GYPB: variants seen among roughly 807,000 people sequenced by gnomAD.
GYPB encodes glycophorin B (MNS blood group), also known as glycophorin-B.
A neutral mutation model predicts 15.3 loss-of-function variants in GYPB; 13 were observed. The observed-to-expected ratio is 0.85, with a 90% CI of 0.55 to 1.35. The LOEUF (loss-of-function observed/expected upper bound fraction) is 1.35. GYPB is among the 40% of genes most tolerant of loss of function. The probability of loss-of-function intolerance (pLI) is 0.00; values close to 1 mark genes in which losing one functional copy is unlikely to be tolerated. For synonymous variants in GYPB, 38 were observed against 36.9 expected (o/e 1.03, Z -0.11); for missense variants, 131 against 108.3 (o/e 1.21, Z -0.93).
rs184169503 is a variant in GYPB at position 144,008,096 on chromosome 4, G to T, written c.38-6813C>A. ...ACAACTAGCTGAGACCCTATTGTTA[G>T]ATGTTAATTATTCTTTGTGGAGGAG... On this transcript the variant is annotated intron_variant, in intron 1 of 4. Coordinates refer to ENST00000502664, the MANE Select transcript of GYPB (RefSeq NM_002100.6). Among the ~76,000 whole-genome samples the T allele has an allele frequency of 3.8e-4, 57 of 150,672 alleles. 1 individual carries two copies. The highest frequency in any genetic ancestry group is 1.2e-3 in the African/African-American group (48 of 39,978).
intron 1 of GYPB, among the ~76,000 whole-genome samples, chr4:144,009,610 T>C (rs1029236606): frequency 8.6e-5 from 9 of 104,530 alleles, no homozygotes; most frequent in African/African-American, 2.4e-4. Context: ...TCTTTTTTTT[T>C]TTTTTTTTTT....
intron 1 of GYPB, among the ~76,000 whole-genome samples, chr4:144,018,794 C>T (rs78906939): frequency 6.6e-6 from 1 of 150,818 alleles, no homozygotes; most frequent in African/African-American, 2.5e-5. Flanking sequence ...CAACTCCCCA[C>T]GGTTTCAGTG....
At chr4:144,002,966 T>C (rs1251844708) in intron 1 of GYPB, among the ~76,000 whole-genome samples, 5 of 151,300 alleles carry the variant, frequency 3.3e-5, no homozygotes, top group East Asian at 1.9e-4. Context: ...CCAAATAGCA[T>C]GCAAAACAAT....
At chr4:144,011,926 A>T in intron 1 of GYPB, among the ~76,000 whole-genome samples, 1 of 152,004 alleles carries the variant, frequency 6.6e-6, no homozygotes. Flanking sequence ...CTCTATTCTC[A>T]GTTGCCTCAA....
In GYPB at chr4:144,010,733, G is replaced by A. The variant is rs1357476079; in HGVS notation, c.37+8518C>T. On this transcript the variant is annotated intron_variant, in intron 1 of 4. Transcript: ENST00000502664. ...TGAAATGCACTCACGGCCCGCACAA[G>A]CCATTGACCAGTGGCTCATGCACAC... 2.6e-4 allele frequency among the ~76,000 whole-genome samples: 40 copies of A among 151,460 alleles called. 4 individuals are homozygous for A. The highest frequency in any genetic ancestry group is 8.8e-4 in the African/African-American group (36 of 40,752).
In GYPB at chr4:144,016,705, T is replaced by C. The variant is rs1016684419; in HGVS notation, c.37+2546A>G. The C allele has an allele frequency of 2.6e-5, 9 of 340,902 alleles. 1 individual carries two copies. Among genetic ancestry groups the C allele is most frequent in the African/African-American group, 1.8e-4 (8 of 45,502 alleles). The allele number at this position is 340,902 out of a possible 1,614,324, so 21.1% of individuals were successfully genotyped here. On this transcript the variant is annotated intron_variant, in intron 1 of 4. Transcript: ENST00000502664. ...CTGGTTTATGCCATAATTTCCTAGT[T>C]GAAGTGATATAGTACTGTATTTTCA... is the stretch of plus-strand genomic sequence containing the variant.
At position 143,997,935 on chromosome 4, in the gene GYPB, A is replaced by G. The variant is rs556840414; in HGVS notation, c.176-301T>C. On this transcript the variant is annotated intron_variant, in intron 3 of 4. Transcript: ENST00000502664. Reference sequence around the variant, plus strand: ...TTCACTAGTGTAACTGTAGATAAGAACTCAGTGGACGTTCTCCTCAGATAT... The same window carrying G: ...TTCACTAGTGTAACTGTAGATAAGAGCTCAGTGGACGTTCTCCTCAGATAT... Among the ~76,000 whole-genome samples, 14 of 151,362 alleles carry G rather than the reference A, an allele frequency of 9.2e-5. 1 individual carries two copies. The highest frequency in any genetic ancestry group is 1.6e-4 in the Non-Finnish European group (11 of 68,026).
At chr4:144,014,501 C>A (rs1728391730) in intron 1 of GYPB, among the ~76,000 whole-genome samples, 1 of 151,328 alleles carries the variant, frequency 6.6e-6, no homozygotes, top group Non-Finnish European at 1.5e-5. Context: ...TATGGATGAA[C>A]TTTATTTTAG....
Position 143,997,638 on chromosome 4 carries a change from A to G in GYPB, c.176-4T>C, listed in dbSNP as rs527766765. The G allele has an allele frequency of 1.3e-5, 19 of 1,442,756 alleles. 1 individual carries two copies. The South Asian group carries it at 2.2e-4, about 16-fold the overall frequency. 89.4% of individuals were successfully genotyped at this position (1,442,756 alleles called of 1,614,324 possible). ...ATGAGTATTATCACTACAGGAGCTAAAGAGAGCAGCAAAATTATGAAAGTC... is the reference window on the plus strand; with the variant it reads ...ATGAGTATTATCACTACAGGAGCTAGAGAGAGCAGCAAAATTATGAAAGTC... On this transcript the variant is annotated splice_region_variant and splice_polypyrimidine_tract_variant and intron_variant, in intron 3 of 4. Coordinates refer to ENST00000502664, the MANE Select transcript of GYPB (RefSeq NM_002100.6).
intron 1 of GYPB, among the ~76,000 whole-genome samples, chr4:144,001,763 T>C (rs1431237021): frequency 2.0e-5 from 3 of 151,038 alleles, no homozygotes; most frequent in African/African-American, 7.4e-5. Flanking sequence ...CTAAGAAAGG[T>C]GGAAGCTCAT....
At position 143,999,411 on chromosome 4, in the gene GYPB, C is replaced by T; in HGVS notation, c.175G>A (p.Ala59Thr). Residue 59 changes from alanine to threonine, a missense_variant and splice_region_variant, in exon 3 of 5, where the codon GCT (alanine) becomes ACT (threonine). Transcript: ENST00000502664. The part of the protein sequence containing the change: ...GQLVHRFTVP[A>T]PVVIILIILC... ...TATTCTTTGTCAAATATTAACATAC[C>T]TGGTACAGTGAAACGATGGACAAGT... The T allele has an allele frequency of 1.3e-6, 2 of 1,510,888 alleles. No individual in the cohort carries two copies. Among genetic ancestry groups the T allele is most frequent in the Non-Finnish European group, 1.8e-6 (2 of 1,092,324 alleles). 93.6% of individuals were successfully genotyped at this position (1,510,888 alleles called of 1,614,324 possible). A position where few individuals can be genotyped will look rare whatever the true frequency, so the allele number is the denominator to read the frequency against.
In GYPB at chr4:144,009,983, G is replaced by T. The variant is rs535356094; in HGVS notation, c.38-8700C>A. ...ACTTGTAAGGTATACAAAACTAGGG[G>T]GCCAGCCGTTCACAGGCTATAGTTT... On this transcript the variant is annotated intron_variant, in intron 1 of 4. Transcript: ENST00000502664. Among the ~76,000 whole-genome samples the T allele has an allele frequency of 7.3e-3, 1,100 of 151,142 alleles. 13 individuals are homozygous for T. Among genetic ancestry groups the T allele is most frequent in the South Asian group, 0.012 (59 of 4,820 alleles).
intron 1 of GYPB, among the ~76,000 whole-genome samples, chr4:144,018,963 C>G (rs4113795): frequency 0.014 from 2,060 of 151,438 alleles, 149 homozygotes; most frequent in African/African-American, 0.047. Flanking sequence ...TCACAGAGAG[C>G]TATTTCTCAT....
chr4:144,007,876 A>G (rs1279857705), intron 1 of GYPB, among the ~76,000 whole-genome samples: 1 of 151,382 alleles, frequency 6.6e-6, no homozygotes, highest in Non-Finnish European at 1.5e-5. Flanking sequence ...AGGCTCAAGC[A>G]ATTCTCCTGC....
chr4:144,002,499 T>C, intron 1 of GYPB: 2 of 813,450 alleles, frequency 2.5e-6, no homozygotes, highest in South Asian at 2.9e-5. Context: ...TGTGCATTCA[T>C]GTGTTTTTCA....
rs1167354893 is a variant in GYPB at position 144,012,931 on chromosome 4, C to T, written c.37+6320G>A. ...TTAGATATGATATCAAAAGCGTAAG[C>T]AACAAAAGAAAAAAATAAATTGGAC... is the stretch of plus-strand genomic sequence containing the variant. On this transcript the variant is annotated intron_variant, in intron 1 of 4. Coordinates refer to ENST00000502664, the MANE Select transcript of GYPB (RefSeq NM_002100.6). 2.0e-5 allele frequency among the ~76,000 whole-genome samples: 3 copies of T among 151,092 alleles called. 1 individual carries two copies. Among genetic ancestry groups the T allele is most frequent in the African/African-American group, 7.4e-5 (3 of 40,602 alleles).
chr4:143,995,298 T>G (rs192395115), downstream of GYPB, among the ~76,000 whole-genome samples: 1 of 151,562 alleles, frequency 6.6e-6, no homozygotes, highest in East Asian at 1.9e-4. Flanking sequence ...CAAATGCGGA[T>G]GTTGAACATA....
At chr4:144,009,120 C>T (rs1276132617) in intron 1 of GYPB, among the ~76,000 whole-genome samples, 1 of 151,344 alleles carries the variant, frequency 6.6e-6, no homozygotes, top group East Asian at 1.9e-4. Context: ...CCTCAATTCA[C>T]ATTTAATTTT....
chr4:144,006,979 C>T (rs1727951903), intron 1 of GYPB, among the ~76,000 whole-genome samples: 1 of 150,404 alleles, frequency 6.6e-6, no homozygotes, highest in Non-Finnish European at 1.5e-5. Flanking sequence ...AAGACTGTTC[C>T]CATGAAGCAA....
Sources: allele counts gnomAD v4.1 joint callset (sites outside exome capture counted in the v4.1 genomes callset), GRCh38; gene constraint gnomAD v4.1.1; transcripts MANE v1.5; gene names NCBI Gene and HGNC (gene_info 2026-07-23, HGNC 2026-07-21).